The following RYR3 variants were observed in gnomAD, a reference collection of about 807,000 sequenced individuals.
RYR3 encodes brain ryanodine receptor-calcium release channel.
RYR3 carries 207 observed loss-of-function variants against 584.3 expected under a neutral mutation model. The observed-to-expected ratio is 0.35, with a 90% CI of 0.32 to 0.40. The LOEUF is 0.40. Among genes scored for constraint, RYR3 ranks in the 10% least tolerant of loss-of-function variants. The pLI is 1.00. For synonymous variants in RYR3, 2,416 were observed against 2,248.5 expected (o/e 1.07, Z -2.11); for missense variants, 5,616 against 6,089.2 (o/e 0.92, Z 2.59).
At chr15:33,860,988 A>G in intron 101 of RYR3, 90 bp from the exon 102 acceptor site, 1 of 1,054,930 alleles carries the variant, frequency 9.5e-7, no homozygotes, top group Non-Finnish European at 1.4e-6. Flanking sequence ...GAAAGTTTTC[A>G]TTATCCTTCA....
At chr15:33,469,143 C>T (rs1349768937) in intron 1 of RYR3, among the ~76,000 whole-genome samples, 2 of 152,046 alleles carry the variant, frequency 1.3e-5, no homozygotes, top group African/African-American at 4.8e-5. Context: ...ATTCAGAGAT[C>T]AGAGAGATTA....
At chr15:33,600,492 GA>G (rs2059604794) in intron 16 of RYR3, among the ~76,000 whole-genome samples, 1 of 152,032 alleles carries the variant, frequency 6.6e-6, no homozygotes, top group African/African-American at 2.4e-5. Context: ...AAATCTGAAT[GA>G]AAGAGGATAC....
At chr15:33,757,102 G>A (rs944172046) in intron 59 of RYR3, among the ~76,000 whole-genome samples, 1 of 152,162 alleles carries the variant, frequency 6.6e-6, no homozygotes. Context: ...GGCTTGAGTC[G>A]CCTTGCTCTG....
chr15:33,576,843 G>A (rs2152506994), intron 12 of RYR3, among the ~76,000 whole-genome samples: 1 of 152,274 alleles, frequency 6.6e-6, no homozygotes, highest in East Asian at 1.9e-4. Flanking sequence ...GTTTGCAGAT[G>A]ACATGATCCT....
intron 10 of RYR3, 56 bp downstream of exon 10, chr15:33,550,372 C>T (rs2056592523): frequency 5.2e-6 from 8 of 1,525,226 alleles, no homozygotes; most frequent in Non-Finnish European, 7.1e-6. Flanking sequence ...ACTCAGAAAC[C>T]TCCAGGCAGA....
At chr15:33,703,990 G>A (rs2066489610) in intron 42 of RYR3, among the ~76,000 whole-genome samples, 1 of 152,026 alleles carries the variant, frequency 6.6e-6, no homozygotes, top group African/African-American at 2.4e-5. Context: ...TTAAAAGAGG[G>A]CAGTCATGGT....
intron 74 of RYR3, chr15:33,815,838 A>G (rs2076787329): frequency 5.0e-6 from 2 of 398,478 alleles, no homozygotes; most frequent in Admixed American, 8.8e-5. Flanking sequence ...CTCCAGACAC[A>G]AAATTAATAA....
intron 27 of RYR3, among the ~76,000 whole-genome samples, chr15:33,637,343 T>C (rs1221081537): frequency 6.6e-6 from 1 of 152,238 alleles, no homozygotes; most frequent in African/African-American, 2.4e-5. Context: ...TAAAATCTAA[T>C]GTTCTTCCCA....
At chr15:33,773,774 T>C (rs1325378613) in intron 64 of RYR3, among the ~76,000 whole-genome samples, 159 bp downstream of exon 64, 3 of 152,336 alleles carry the variant, frequency 2.0e-5, no homozygotes, top group South Asian at 4.1e-4. Context: ...CTTTTGGCAA[T>C]GTAAAGAAGT....
At chr15:33,498,731 C>T (rs1275239406) in intron 2 of RYR3, among the ~76,000 whole-genome samples, 2 of 151,996 alleles carry the variant, frequency 1.3e-5, no homozygotes, top group Non-Finnish European at 2.9e-5. Flanking sequence ...TGAGATCTTT[C>T]TTATTCATAA....
At chr15:33,347,518 C>T (rs1195833912) in intron 1 of RYR3, among the ~76,000 whole-genome samples, 1 of 151,190 alleles carries the variant, frequency 6.6e-6, no homozygotes, top group African/African-American at 2.4e-5. Flanking sequence ...GCTATCTCGG[C>T]TCACTGCAAG....
chr15:33,582,655 T>A (rs1441433787), intron 14 of RYR3, among the ~76,000 whole-genome samples: 1 of 152,228 alleles, frequency 6.6e-6, no homozygotes, highest in African/African-American at 2.4e-5. Context: ...CGTACATAGA[T>A]GCTCATAACC....
rs547902722 is a variant in RYR3 at position 33,676,983 on chromosome 15, G to A, written c.5860+6427G>A. On this transcript the variant is annotated intron_variant, in intron 38 of 103. Coordinates refer to ENST00000634891, the MANE Select transcript of RYR3 (RefSeq NM_001036.6). ...TTAATTGAGTACCTCCTTTGTGCCC[G>A]GTACTGCGCTTGGCACTTCACCTTA... 1.1e-4 allele frequency among the ~76,000 whole-genome samples: 16 copies of A among 152,236 alleles called. No individual in the cohort carries two copies. In the South Asian group the frequency reaches 3.3e-3, roughly 32 times the overall value.
intron 1 of RYR3, among the ~76,000 whole-genome samples, chr15:33,373,122 A>T (rs1049803038): frequency 6.6e-6 from 1 of 152,202 alleles, no homozygotes; most frequent in African/African-American, 2.4e-5. Context: ...GGAATGGTGG[A>T]TTCATGCTGA....
At chr15:33,794,332 T>TAAC (rs1239141784) in intron 67 of RYR3, among the ~76,000 whole-genome samples, 1 of 30,520 alleles carries the variant, frequency 3.3e-5, no homozygotes, top group Non-Finnish European at 1.2e-4. Context: ...TTTTTATATA[T>TAAC]GTTTATATAT....
intron 101 of RYR3, among the ~76,000 whole-genome samples, 170 bp downstream of exon 101, chr15:33,860,829 A>T (rs992213518): frequency 1.9e-4 from 28 of 150,806 alleles, no homozygotes; most frequent in African/African-American, 6.7e-4. Context: ...CAGGCCGGCC[A>T]CTCTGCTGCC....
In RYR3 at chr15:33,696,221, C is replaced by G; in HGVS notation, c.5864C>G (p.Thr1955Arg). The change falls in exon 39 of 104, where the codon ACA becomes AGA. Residue 1955 changes from threonine (T) to arginine (R), a missense_variant. Thr to Arg is a moderately conservative substitution (Grantham distance 71). This residue lies in a region of RYR3 where 1,280 missense variants were observed against 1,426.2 expected (regional missense o/e 0.90). Coordinates refer to ENST00000634891, the MANE Select transcript of RYR3 (RefSeq NM_001036.6). Reference sequence around the variant, plus strand: ...CTCCCTCCTGTTGTCCTTCCAGCAACATTGAAGGAACTCATCTCACAGACG... The same window carrying G: ...CTCCCTCCTGTTGTCCTTCCAGCAAGATTGAAGGAACTCATCTCACAGACG... The part of the protein sequence containing the change: ...PTEEEERCPT[T>R]LKELISQTMI... 6.2e-7 allele frequency: 1 copy of G among 1,612,672 alleles called. No individual in the cohort carries two copies. Among genetic ancestry groups the G allele is most frequent in the Non-Finnish European group, 8.5e-7 (1 of 1,179,084 alleles).
chr15:33,485,503 G>T (rs1230395656), intron 2 of RYR3, among the ~76,000 whole-genome samples: 1 of 152,168 alleles, frequency 6.6e-6, no homozygotes, highest in African/African-American at 2.4e-5. Flanking sequence ...GAAAGGCCTG[G>T]TGTTAAGAAC....
intron 99 of RYR3, 110 bp from the exon 100 acceptor site, chr15:33,859,464 CT>C: frequency 8.3e-7 from 1 of 1,206,326 alleles, no homozygotes; most frequent in Non-Finnish European, 1.2e-6. Context: ...GAGTTCCCCT[CT>C]CGTGGCTTAG....
Sources: allele counts gnomAD v4.1 joint callset (sites outside exome capture counted in the v4.1 genomes callset), GRCh38; gene constraint gnomAD v4.1.1; regional missense constraint gnomAD v4.1.1; transcripts MANE v1.5; gene names NCBI Gene and HGNC (gene_info 2026-07-23, HGNC 2026-07-21).